MYO3B: variants seen among roughly 807,000 people sequenced by gnomAD.
MYO3B encodes the protein myosin IIIB.
MYO3B carries 156 observed loss-of-function variants against 174.6 expected under a neutral mutation model. The observed-to-expected ratio is 0.89, with a 90% CI of 0.78 to 1.02. MYO3B has a LOEUF of 1.02. MYO3B is among the 50% of genes least tolerant of loss of function. The pLI, the probability that MYO3B is intolerant of heterozygous loss-of-function variation, is 0.00. For synonymous variants in MYO3B, 563 were observed against 569.1 expected (o/e 0.99, Z 0.15); for missense variants, 1,632 against 1,639.4 (o/e 1.00, Z 0.08).
rs111761848 is a variant in MYO3B, at chr2:170,548,040, G to A, written c.3733+4052G>A. On this transcript the variant is annotated intron_variant, in intron 32 of 34. Transcript: ENST00000408978. ...GAGAATGGTGTGAACCCGGGAGGCC[G>A]TGCTTGCAGTGAGCCAAGATCGCGC... Among the ~76,000 whole-genome samples the A allele has an allele frequency of 5.3e-3, 746 of 141,474 alleles. 6 individuals are homozygous for A. The highest frequency in any genetic ancestry group is 0.016 in the African/African-American group (629 of 38,302). The allele number at this position is 141,474 out of a possible 152,430, so 92.8% of individuals were successfully genotyped here.
At chr2:170,624,623 A>T (rs1482401686) in intron 32 of MYO3B, among the ~76,000 whole-genome samples, 4 of 152,080 alleles carry the variant, frequency 2.6e-5, no homozygotes, top group African/African-American at 7.2e-5. Flanking sequence ...GTGGTGAGAG[A>T]GGGCATCCTT....
chr2:170,588,609 C>G (rs1693637133), intron 32 of MYO3B, among the ~76,000 whole-genome samples: 1 of 152,206 alleles, frequency 6.6e-6, no homozygotes, highest in Non-Finnish European at 1.5e-5. Flanking sequence ...TGCTCCCACA[C>G]AGTCTTCTTT....
At chr2:170,504,816 C>T (rs560410678) in intron 28 of MYO3B, among the ~76,000 whole-genome samples, 3 of 152,148 alleles carry the variant, frequency 2.0e-5, no homozygotes, top group African/African-American at 4.8e-5. Flanking sequence ...AATTATTGCT[C>T]GTTTTTAATT....
intron 23 of MYO3B, among the ~76,000 whole-genome samples, chr2:170,450,233 GT>G (rs1246053521): frequency 6.6e-6 from 1 of 152,152 alleles, no homozygotes; most frequent in African/African-American, 2.4e-5. Flanking sequence ...ATATTTGACA[GT>G]GTTTCCTGTG....
chr2:170,351,515 A>G (rs1196909973), intron 8 of MYO3B, among the ~76,000 whole-genome samples: 1 of 152,104 alleles, frequency 6.6e-6, no homozygotes, highest in Non-Finnish European at 1.5e-5. Context: ...CATATGCCCA[A>G]TAAGACCATG....
chr2:170,404,096 A>G (rs1387983979), intron 19 of MYO3B, 151 bp from the exon 20 acceptor site: 1 of 749,502 alleles, frequency 1.3e-6, no homozygotes, highest in African/African-American at 1.7e-5. Context: ...ATGGTGTTAT[A>G]TGCAGAAGAT....
intron 32 of MYO3B, among the ~76,000 whole-genome samples, chr2:170,570,062 GA>G (rs1188128034): frequency 1.3e-5 from 2 of 152,142 alleles, no homozygotes; most frequent in Non-Finnish European, 2.9e-5. Context: ...TTAACTAGAA[GA>G]GGGTTAAGGA....
intron 32 of MYO3B, among the ~76,000 whole-genome samples, chr2:170,643,405 G>A (rs1698131505): frequency 6.6e-6 from 1 of 152,140 alleles, no homozygotes; most frequent in Non-Finnish European, 1.5e-5. Flanking sequence ...TGAGAAGAAA[G>A]ATTGTCTAGC....
At chr2:170,546,629 GA>G (rs1690508293) in intron 32 of MYO3B, among the ~76,000 whole-genome samples, 1 of 152,200 alleles carries the variant, frequency 6.6e-6, no homozygotes, top group African/African-American at 2.4e-5. Context: ...CTTGATCTTA[GA>G]AAACGACAAA....
intron 7 of MYO3B, among the ~76,000 whole-genome samples, chr2:170,316,179 C>T (rs2093774173): frequency 6.6e-6 from 1 of 152,184 alleles, no homozygotes; most frequent in African/African-American, 2.4e-5. Flanking sequence ...CATATAGACA[C>T]ATATAAATGT....
chr2:170,392,863 G>T (rs1287478269), intron 16 of MYO3B, among the ~76,000 whole-genome samples: 2 of 150,258 alleles, frequency 1.3e-5, no homozygotes, highest in African/African-American at 2.4e-5. Flanking sequence ...AATACTGTGG[G>T]TTTTTTTTCT....
chr2:170,560,897 C>T (rs549190739), intron 32 of MYO3B, among the ~76,000 whole-genome samples: 1 of 152,312 alleles, frequency 6.6e-6, no homozygotes, highest in Admixed American at 6.5e-5. Context: ...GGGGACAGAA[C>T]ATCCAAGGAT....
Position 170,543,976 on chromosome 2 carries a change from C to T in MYO3B, c.3721C>T (p.Pro1241Ser). The change falls in exon 32 of 35, where the codon CCT becomes TCT. Residue 1241 changes from proline (P) to serine (S), a missense_variant. Transcript: ENST00000408978. Reference sequence around the variant, plus strand: ...GCAAGGATTGAGTCTCTGGGGAGCCCCTCAAAAGCCTGGTAAGAAGAACGT... The same window carrying T: ...GCAAGGATTGAGTCTCTGGGGAGCCTCTCAAAAGCCTGGTAAGAAGAACGT... Reference protein sequence around the residue: ...DQQGLSLWGAPQKPGSENGLA... With the variant: ...DQQGLSLWGASQKPGSENGLA... 2 of 1,612,018 alleles carry T rather than the reference C, an allele frequency of 1.2e-6. No homozygotes were observed. Among genetic ancestry groups the T allele is most frequent in the Non-Finnish European group, 1.7e-6 (2 of 1,178,526 alleles).
chr2:170,621,141 G>A (rs751578712), intron 32 of MYO3B, among the ~76,000 whole-genome samples: 9 of 151,942 alleles, frequency 5.9e-5, no homozygotes, highest in South Asian at 2.1e-4. Context: ...CACCCGCCTC[G>A]GCCTCCCAAA....
intron 3 of MYO3B, among the ~76,000 whole-genome samples, chr2:170,212,711 G>T (rs1405998211): frequency 6.6e-6 from 1 of 152,166 alleles, no homozygotes; most frequent in Non-Finnish European, 1.5e-5. Flanking sequence ...TTGATTCCCA[G>T]GTCACCACAC....
At chr2:170,592,919 T>C (rs529075821) in intron 32 of MYO3B, among the ~76,000 whole-genome samples, 1 of 152,138 alleles carries the variant, frequency 6.6e-6, no homozygotes, top group South Asian at 2.1e-4. Context: ...GATAGATATA[T>C]ATAGATATCT....
intron 6 of MYO3B, among the ~76,000 whole-genome samples, chr2:170,225,087 T>A (rs911011279): frequency 6.6e-6 from 1 of 152,260 alleles, no homozygotes; most frequent in Non-Finnish European, 1.5e-5. Flanking sequence ...ACCATTTTGT[T>A]CCCTAAGCTC....
chr2:170,349,823 A>AAAG, intron 8 of MYO3B: 1 of 152,096 alleles, frequency 6.6e-6, no homozygotes, highest in Middle Eastern at 3.4e-3. Context: ...AGAAAGAAAG[A>AAAG]AAAAAATTAT....
At chr2:170,398,228 G>GAAAAAAA (rs34432719) in intron 16 of MYO3B, among the ~76,000 whole-genome samples, 2 of 87,958 alleles carry the variant, frequency 2.3e-5, no homozygotes, top group Non-Finnish European at 4.3e-5. Flanking sequence ...TGTCTCAAAA[G>GAAAAAAA]AAAAAAAAAA....
Sources: gnomAD v4.1 joint callset for allele counts (sites outside exome capture counted in the v4.1 genomes callset) on GRCh38, gnomAD v4.1.1 for gene constraint, MANE v1.5 for transcripts, NCBI Gene and HGNC (gene_info 2026-07-23, HGNC 2026-07-21) for gene names.